Variants in SLC7A2 observed in about 807,000 individuals in gnomAD.
SLC7A2 encodes solute carrier family 7 member 2, also known as cationic amino acid transporter 2.
SLC7A2 carries 48 observed loss-of-function variants against 58.9 expected under a neutral mutation model. The ratio of observed to expected loss-of-function variants is 0.82; its 90% CI spans 0.65 to 1.04. The LOEUF (loss-of-function observed/expected upper bound fraction) is 1.04. Ranked by LOEUF, SLC7A2 falls within the 50% of genes least tolerant of loss-of-function variation. SLC7A2 has a pLI of 0.00. For missense variants in SLC7A2, 1,029 were observed against 818.8 expected (o/e 1.26, Z -3.13); for synonymous variants, 363 against 314.5 (o/e 1.15, Z -1.63).
rs536330311 is a variant in SLC7A2 at position 17,560,476 on chromosome 8, T to G, written c.1447T>G (p.Ser483Ala). The change falls in exon 10 of 13, where the codon TCC (serine) becomes GCC (alanine). Residue 483 changes from serine to alanine, a missense_variant. Physicochemically the swap from Ser to Ala is moderately conservative, Grantham distance 99. Transcript: ENST00000494857. ...CAGCATGCGGACCCTCTTCTGCCCC[T>G]CCCTTCTGCCAACACAGCAGTCAGC... ...GFSMRTLFCP[S>A]LLPTQQSASL... 39 of 1,613,984 alleles carry G rather than the reference T, an allele frequency of 2.4e-5. No homozygotes were observed. In the South Asian group the frequency reaches 4.2e-4, roughly 17 times the overall value.
chr8:17,564,861 A>G (rs373239076), intron 12 of SLC7A2, 89 bp from the exon 13 acceptor site: 15 of 1,095,756 alleles, frequency 1.4e-5, no homozygotes, highest in South Asian at 1.2e-4. Context: ...GACAAACTCT[A>G]TTAAGTTCTA....
chr8:17,561,827 A>T, intron 10 of SLC7A2, 117 bp from the exon 11 acceptor site: 1 of 921,774 alleles, frequency 1.1e-6, no homozygotes, highest in Non-Finnish European at 1.7e-6. Flanking sequence ...GACTCTTTGT[A>T]TTTAGCCAAG....
At chr8:17,508,675 G>T (rs1003579772) in intron 2 of SLC7A2, among the ~76,000 whole-genome samples, 1 of 151,780 alleles carries the variant, frequency 6.6e-6, no homozygotes, top group East Asian at 1.9e-4. Context: ...AGTGAGGCGA[G>T]ACCACTCCAG....
In SLC7A2 at chr8:17,565,227, G is replaced by T; in HGVS notation, c.*81G>T. 2 of 1,153,226 alleles carry T rather than the reference G, an allele frequency of 1.7e-6. No homozygotes were observed. Among genetic ancestry groups the T allele is most frequent in the Non-Finnish European group, 2.5e-6 (2 of 813,272 alleles). The allele number at this position is 1,153,226 out of a possible 1,614,324, so 71.4% of individuals were successfully genotyped here. The stretch of plus-strand genomic sequence containing the variant: ...AACCGTAACGGGATGTCATCAGCAT[G>T]CTGGGTTGTCATGGGTTTGCTGCAT... On this transcript the variant is annotated 3_prime_UTR_variant, in exon 13 of 13. Coordinates refer to ENST00000494857, the MANE Select transcript of SLC7A2 (RefSeq NM_001370338.1).
At position 17,560,487 on chromosome 8, in the gene SLC7A2, A is replaced by T; in HGVS notation, c.1458A>T (p.Pro486=). ...MRTLFCPSLL[P]TQQSASLVSF... The stretch of plus-strand genomic sequence containing the variant: ...CCCTCTTCTGCCCCTCCCTTCTGCC[A>T]ACACAGCAGTCAGCTTCTCTCGTGA... Residue 486 remains proline, a synonymous_variant, in exon 10 of 13, where the codon CCA becomes CCT. Coordinates refer to ENST00000494857, the MANE Select transcript of SLC7A2 (RefSeq NM_001370338.1). The T allele has an allele frequency of 6.2e-7, 1 of 1,613,980 alleles. No homozygotes were observed. The highest frequency in any genetic ancestry group is 2.2e-5 in the East Asian group (1 of 44,880).
intron 10 of SLC7A2, 66 bp downstream of exon 10, chr8:17,560,599 T>C: frequency 7.2e-7 from 1 of 1,381,180 alleles, no homozygotes; most frequent in South Asian, 1.2e-5. Flanking sequence ...GCTGGCATGA[T>C]ATGAAAGAGA....
At chr8:17,553,732 C>A (rs759892220) in intron 7 of SLC7A2, among the ~76,000 whole-genome samples, 3 of 152,152 alleles carry the variant, frequency 2.0e-5, no homozygotes, top group Non-Finnish European at 4.4e-5. Context: ...GAGCTATGAT[C>A]GTACTACTGC....
chr8:17,564,202 T>C (rs73196202), intron 12 of SLC7A2, among the ~76,000 whole-genome samples: 8,689 of 152,292 alleles, frequency 0.057, 312 homozygotes, highest in Middle Eastern at 0.1. Context: ...GAGTGTACTT[T>C]GCAAAATATC....
At chr8:17,555,755 AGTC>A (rs1240233487) in intron 8 of SLC7A2, among the ~76,000 whole-genome samples, 3 of 152,160 alleles carry the variant, frequency 2.0e-5, no homozygotes, top group African/African-American at 7.2e-5. Flanking sequence ...CCAGATTGCT[AGTC>A]TTTTGGCACA....
chr8:17,494,228 A>G (rs1334458183), upstream of SLC7A2, among the ~76,000 whole-genome samples: 1 of 152,128 alleles, frequency 6.6e-6, no homozygotes, highest in African/African-American at 2.4e-5. Flanking sequence ...TGGACATGAG[A>G]TTTACTTTAG....
At chr8:17,549,018 G>A (rs369995566) in intron 5 of SLC7A2, among the ~76,000 whole-genome samples, 175 bp downstream of exon 5, 2 of 152,150 alleles carry the variant, frequency 1.3e-5, no homozygotes, top group African/African-American at 2.4e-5. Context: ...CCTCACAATC[G>A]TGGCGGAAGG....
At chr8:17,554,989 A>G (rs776733329) in intron 8 of SLC7A2, 17 of 1,613,880 alleles carry the variant, frequency 1.1e-5, no homozygotes, top group Non-Finnish European at 1.4e-5. Context: ...TCTGTTTGCC[A>G]TGGCCCGGGA....
intron 2 of SLC7A2, among the ~76,000 whole-genome samples, chr8:17,508,190 C>T (rs1020931516): frequency 1.3e-5 from 2 of 151,890 alleles, no homozygotes; most frequent in African/African-American, 2.4e-5. Flanking sequence ...AAAAAAAGAG[C>T]AGACTTGGCA....
chr8:17,502,967 C>T (rs1585176256), intron 2 of SLC7A2, among the ~76,000 whole-genome samples: 1 of 151,828 alleles, frequency 6.6e-6, no homozygotes, highest in South Asian at 2.1e-4. Context: ...ATGAACTTTC[C>T]ATAAGTCAAT....
intron 4 of SLC7A2, among the ~76,000 whole-genome samples, chr8:17,547,958 G>A (rs1377771258): frequency 6.6e-6 from 1 of 152,156 alleles, no homozygotes; most frequent in Non-Finnish European, 1.5e-5. Flanking sequence ...GTTTAACAAA[G>A]TACTTTTTTG....
rs555828533 is a variant in SLC7A2 at position 17,553,163 on chromosome 8, C to G, written c.1055+1177C>G. ...GAACTCCTGGGTTCAAGTGATCTCCCCAGTTCAGCCTCCTGAGTAGCTAGG... is the reference window on the plus strand; with the variant it reads ...GAACTCCTGGGTTCAAGTGATCTCCGCAGTTCAGCCTCCTGAGTAGCTAGG... On this transcript the variant is annotated intron_variant, in intron 7 of 12. Transcript: ENST00000494857. Among the ~76,000 whole-genome samples the G allele has an allele frequency of 1.8e-3, 272 of 152,162 alleles. 2 individuals are homozygous for G. The highest frequency in any genetic ancestry group is 2.3e-3 in the South Asian group (11 of 4,810).
rs1394697249 is a variant in SLC7A2 at position 17,550,381 on chromosome 8, GTGC to G, written c.783_785del (p.Ala262del). On this transcript the variant is annotated inframe_deletion, in exon 6 of 13. Coordinates refer to ENST00000494857, the MANE Select transcript of SLC7A2 (RefSeq NM_001370338.1). ...TATGGCTTTACGGGAACGTTGGCTG[GTGC>G]TGCAACTTGCTTTTATGCCTTTGTG... 6.2e-7 allele frequency: 1 copy of G among 1,613,954 alleles called. No homozygotes were observed. Among genetic ancestry groups the G allele is most frequent in the African/African-American group, 1.3e-5 (1 of 74,908 alleles).
intron 4 of SLC7A2, among the ~76,000 whole-genome samples, chr8:17,546,634 T>C (rs1228988435): frequency 6.6e-6 from 1 of 152,114 alleles, no homozygotes; most frequent in Non-Finnish European, 1.5e-5. Context: ...AATTACAGAG[T>C]CAGGAATTGT....
intron 8 of SLC7A2, chr8:17,555,058 A>G (rs749502112): frequency 6.2e-7 from 1 of 1,614,030 alleles, no homozygotes; most frequent in African/African-American, 1.3e-5. Context: ...AGTTGCTGCC[A>G]CGTTGACTGC....
Sources: gnomAD v4.1 joint callset for allele counts (sites outside exome capture counted in the v4.1 genomes callset) on GRCh38, gnomAD v4.1.1 for gene constraint, MANE v1.5 for transcripts, NCBI Gene and HGNC (gene_info 2026-07-23, HGNC 2026-07-21) for gene names.